The following CLCN7 variants were observed in gnomAD, a reference collection of about 807,000 sequenced individuals.
CLCN7 encodes Cl-/H+ antiporter 7.
In CLCN7, 60 loss-of-function variants were observed where a neutral mutation model predicts 102.1. The ratio of observed to expected loss-of-function variants is 0.59; its 90% CI spans 0.48 to 0.73. The LOEUF (loss-of-function observed/expected upper bound fraction) is 0.73. Among genes scored for constraint, CLCN7 ranks in the 30% least tolerant of loss-of-function variants. CLCN7 has a pLI of 0.00. For synonymous variants in CLCN7, 560 were observed against 490.5 expected (o/e 1.14, Z -1.87); for missense variants, 962 against 1,125.7 (o/e 0.85, Z 2.08).
At chr16:1,448,820 C>A in intron 19 of CLCN7, 54 bp from the exon 20 acceptor site, 2 of 1,600,158 alleles carry the variant, frequency 1.2e-6, no homozygotes, top group Middle Eastern at 2.0e-4. Context: ...ACCCCTGGAG[C>A]CCCGAGCCTA....
chr16:1,461,468 G>C lies in CLCN7; in HGVS notation c.288C>G (p.Ser96Arg). 6.3e-7 allele frequency: 1 copy of C among 1,576,442 alleles called. No homozygotes were observed. The highest frequency in any genetic ancestry group is 8.6e-7 in the Non-Finnish European group (1 of 1,161,782). The change falls in exon 4 of 25, where the codon AGC becomes AGG. Residue 96 changes from serine (S) to arginine (R), a missense_variant and splice_region_variant. Physicochemically the swap from Ser to Arg is moderately radical, Grantham distance 110 (BLOSUM62 -1). Coordinates refer to ENST00000382745, the MANE Select transcript of CLCN7 (RefSeq NM_001287.6). The part of the protein sequence containing the change: ...NEKLLSLKYE[S>R]LDYDNSENQL... ...GGTTCTCACTGTTGTCATAGTCCAA[G>C]CTCTGCAGGCCGGGACAGCAAGGGC...
At chr16:1,462,027 G>C (rs2038945199) in intron 2 of CLCN7, among the ~76,000 whole-genome samples, 1 of 151,782 alleles carries the variant, frequency 6.6e-6, no homozygotes, top group African/African-American at 2.4e-5. Context: ...AGAGGTTGCA[G>C]TGAGCCGAGA....
intron 19 of CLCN7, 66 bp from the exon 20 acceptor site, chr16:1,448,832 C>A: frequency 1.3e-6 from 2 of 1,598,136 alleles, no homozygotes; most frequent in Non-Finnish European, 1.7e-6. Context: ...CCGAGCCTAC[C>A]CCTGGGAGCC....
chr16:1,456,277 G>T, intron 9 of CLCN7, 71 bp from the exon 10 acceptor site: 1 of 1,132,198 alleles, frequency 8.8e-7, no homozygotes, highest in Non-Finnish European at 1.3e-6. Context: ...GAGAGCAACT[G>T]CCAGGACAGG....
rs114149289 is a variant in CLCN7, at chr16:1,450,317, T to C, written c.1617+180A>G. The C allele has an allele frequency of 2.9e-3, 1,651 of 578,894 alleles. 15 individuals carry two copies. Among genetic ancestry groups the C allele is most frequent in the African/African-American group, 0.027 (1,377 of 50,358 alleles). The allele number at this position is 578,894 out of a possible 1,614,324, so 35.9% of individuals were successfully genotyped here. On this transcript the variant is annotated intron_variant, in intron 17 of 24. Coordinates refer to ENST00000382745, the MANE Select transcript of CLCN7 (RefSeq NM_001287.6). ...TGGGCTGCGCTGCCACAGTACACGC[T>C]GCCACCACAGCAGGACAACGCCCAC... is the stretch of plus-strand genomic sequence containing the variant.
intron 1 of CLCN7, among the ~76,000 whole-genome samples, chr16:1,473,194 T>A (rs1261946005): frequency 6.6e-6 from 1 of 152,040 alleles, no homozygotes; most frequent in Admixed American, 6.6e-5. Flanking sequence ...CAGATCACTT[T>A]TCATGCAGAC....
chr16:1,451,592 G>C (rs1358875690), intron 16 of CLCN7, 31 bp downstream of exon 16: 4 of 1,594,700 alleles, frequency 2.5e-6, no homozygotes, highest in Non-Finnish European at 3.4e-6. Context: ...CCTGATCCCA[G>C]GGCCTGCCCA....
chr16:1,448,524 A>G, intron 20 of CLCN7, 40 bp from the exon 21 acceptor site: 1 of 1,604,058 alleles, frequency 6.2e-7, no homozygotes, highest in Non-Finnish European at 8.5e-7. Flanking sequence ...GTCACACGCC[A>G]CCAACTCCCA....
At position 1,446,439 on chromosome 16, in the gene CLCN7, C is replaced by G. The variant is rs1448335800; in HGVS notation, c.*192G>C. 2 of 705,360 alleles carry G rather than the reference C, an allele frequency of 2.8e-6. No individual in the cohort carries two copies. The highest frequency in any genetic ancestry group is 3.5e-5 in the African/African-American group (2 of 57,300). 43.7% of individuals were successfully genotyped at this position (705,360 alleles called of 1,614,324 possible). A position where few individuals can be genotyped will look rare whatever the true frequency, so the allele number is the denominator to read the frequency against. ...CGCAAGGAGGCGCCAAGGGGGGAGA[C>G]CACTGCCCACAACAGGGTCAGTCCC... is the stretch of plus-strand genomic sequence containing the variant. On this transcript the variant is annotated 3_prime_UTR_variant, in exon 25 of 25. Coordinates refer to ENST00000382745, the MANE Select transcript of CLCN7 (RefSeq NM_001287.6).
chr16:1,454,019 G>T lies in CLCN7; in HGVS notation c.1154-125C>A. On this transcript the variant is annotated intron_variant, in intron 13 of 24. Transcript: ENST00000382745. ...GGGAAGGGGACGGCAGGGGGCTAGGGGGTCCTGGTAAGATGCTTCCTCCAC... is the reference window on the plus strand; with the variant it reads ...GGGAAGGGGACGGCAGGGGGCTAGGTGGTCCTGGTAAGATGCTTCCTCCAC... 3 of 860,578 alleles carry T rather than the reference G, an allele frequency of 3.5e-6. No homozygotes were observed. In the Admixed American group the frequency reaches 5.8e-5, roughly 17 times the overall value. The allele number at this position is 860,578 out of a possible 1,614,324, so 53.3% of individuals were successfully genotyped here.
At position 1,447,732 on chromosome 16, in the gene CLCN7, G is replaced by C. The variant is rs376825291; in HGVS notation, c.2014-18C>G. ...CGGGCAGGCTGCAAGACAGGCCCGC[G>C]GTCAGGGCCACGGGCCCGAGGGTGG... On this transcript the variant is annotated intron_variant, in intron 21 of 24. Coordinates refer to ENST00000382745, the MANE Select transcript of CLCN7 (RefSeq NM_001287.6). 2.6e-6 allele frequency: 4 copies of C among 1,549,606 alleles called. No homozygotes were observed. The highest frequency in any genetic ancestry group is 2.7e-5 in the African/African-American group (2 of 73,042).
Position 1,465,304 on chromosome 16 carries a change from A to C in CLCN7, c.176T>G (p.Met59Arg). The C allele has an allele frequency of 6.2e-7, 1 of 1,613,948 alleles. No individual in the cohort carries two copies. The highest frequency in any genetic ancestry group is 1.7e-4 in the Middle Eastern group (1 of 5,928). The change falls in exon 2 of 25, where the codon ATG (methionine) becomes AGG (arginine). Residue 59 changes from methionine to arginine, a missense_variant. By Grantham distance (91) the Met-to-Arg change is moderately conservative (BLOSUM62 -1). Around this residue, in one of 2 missense-constraint regions of CLCN7, gnomAD observed 163 missense variants for 137.7 expected, o/e 1.18. Coordinates refer to ENST00000382745, the MANE Select transcript of CLCN7 (RefSeq NM_001287.6). ...TTCATCATCCAGCTCCACGCTGCTCATATGTCCGACTCGGAAAAGCGCAGA... is the reference window on the plus strand; with the variant it reads ...TTCATCATCCAGCTCCACGCTGCTCCTATGTCCGACTCGGAAAAGCGCAGA... The part of the protein sequence containing the change: ...PRSALFRVGH[M>R]SSVELDDELL...
chr16:1,450,494 CA>C lies in CLCN7; in HGVS notation c.1617+2del. Reference sequence around the variant, plus strand: ...CCACAGCCTCCCCTCCGGCCCCACTCACCGCCGCCCCCGTGAGGTAGGACAG... The same window carrying C: ...CCACAGCCTCCCCTCCGGCCCCACTCCCGCCGCCCCCGTGAGGTAGGACAG... On this transcript the variant is annotated splice_donor_variant, in intron 17 of 24. Coordinates refer to ENST00000382745, the MANE Select transcript of CLCN7 (RefSeq NM_001287.6). LOFTEE classifies it high-confidence loss of function. 6.3e-7 allele frequency: 1 copy of C among 1,596,376 alleles called. No homozygotes were observed. Among genetic ancestry groups the C allele is most frequent in the Non-Finnish European group, 8.5e-7 (1 of 1,172,546 alleles).
At chr16:1,464,691 T>C (rs73492100) in intron 2 of CLCN7, among the ~76,000 whole-genome samples, 3,650 of 152,264 alleles carry the variant, frequency 0.024, 142 homozygotes, top group African/African-American at 0.082. Context: ...CCCGGGGTGT[T>C]GCCAACATCA....
intron 2 of CLCN7, among the ~76,000 whole-genome samples, chr16:1,462,747 C>T (rs1468792709): frequency 6.6e-6 from 1 of 151,088 alleles, no homozygotes; most frequent in Non-Finnish European, 1.5e-5. Flanking sequence ...TGAGAGAGTC[C>T]AGAAAGAAAT....
Position 1,446,532 on chromosome 16 carries a change from T to C in CLCN7, c.*99A>G. ...GCAGGGTGCTCGCCATTGCCACTGC[T>C]GGGGAGCATGGTTTGGGCCGAGAAA... On this transcript the variant is annotated 3_prime_UTR_variant, in exon 25 of 25. Transcript: ENST00000382745. 2 of 1,144,226 alleles carry C rather than the reference T, an allele frequency of 1.7e-6. No individual in the cohort carries two copies. Among genetic ancestry groups the C allele is most frequent in the African/African-American group, 1.5e-5 (1 of 65,484 alleles). 70.9% of individuals were successfully genotyped at this position (1,144,226 alleles called of 1,614,324 possible). A position where few individuals can be genotyped will look rare whatever the true frequency, so the allele number is the denominator to read the frequency against.
rs539340941 is a variant in CLCN7, at chr16:1,453,741, C to T, written c.1214+93G>A. 1.6e-5 allele frequency: 19 copies of T among 1,191,308 alleles called. No individual in the cohort carries two copies. The East Asian group carries it at 4.0e-4, about 25-fold the overall frequency. 73.8% of individuals were successfully genotyped at this position (1,191,308 alleles called of 1,614,324 possible). On this transcript the variant is annotated intron_variant, in intron 14 of 24. Coordinates refer to ENST00000382745, the MANE Select transcript of CLCN7 (RefSeq NM_001287.6). ...ACACAGCCTTTCTTTCGGCTGTGGC[C>T]TAGGAGTGTAAACCCCATTCCACCA...
At position 1,461,526 on chromosome 16, in the gene CLCN7, G is replaced by A. The variant is rs377535035; in HGVS notation, c.286-56C>T. ...AGCACCGAACCCACGCTCTGGGTGCGGGCACAGGGGACCGGGAGTGGGCTG... is the reference window on the plus strand; with the variant it reads ...AGCACCGAACCCACGCTCTGGGTGCAGGCACAGGGGACCGGGAGTGGGCTG... On this transcript the variant is annotated intron_variant, in intron 3 of 24. Coordinates refer to ENST00000382745, the MANE Select transcript of CLCN7 (RefSeq NM_001287.6). 9.5e-5 allele frequency: 152 copies of A among 1,604,104 alleles called. No homozygotes were observed. The African/African-American group carries it at 1.5e-3, about 16-fold the overall frequency.
intron 1 of CLCN7, among the ~76,000 whole-genome samples, chr16:1,466,998 C>T (rs938672456): frequency 6.7e-6 from 1 of 150,118 alleles, no homozygotes; most frequent in African/African-American, 2.5e-5. Flanking sequence ...ACCCCTTCCC[C>T]AACCATCGTC....
Sources: allele counts gnomAD v4.1 joint callset (sites outside exome capture counted in the v4.1 genomes callset), GRCh38; gene constraint gnomAD v4.1.1; regional missense constraint gnomAD v4.1.1; transcripts MANE v1.5; gene names NCBI Gene and HGNC (gene_info 2026-07-23, HGNC 2026-07-21).